Variants in THADA observed in about 807,000 individuals in gnomAD.
THADA encodes THADA armadillo repeat containing.
A neutral mutation model predicts 219.8 loss-of-function variants in THADA; 213 were observed. The ratio of observed to expected loss-of-function variants is 0.97; its 90% CI spans 0.87 to 1.09. The LOEUF (loss-of-function observed/expected upper bound fraction) is 1.09, where lower values mean the gene tolerates loss of function less well. Among genes scored for constraint, THADA ranks in the 50% least tolerant of loss-of-function variants. The pLI, the probability that THADA is intolerant of heterozygous loss-of-function variation, is 0.00. For synonymous variants in THADA, 1,018 were observed against 828.9 expected (o/e 1.23, Z -3.92); for missense variants, 2,956 against 2,311.3 (o/e 1.28, Z -5.72).
intron 25 of THADA, among the ~76,000 whole-genome samples, chr2:43,492,802 T>C (rs1308794289): frequency 2.6e-5 from 4 of 152,216 alleles, no homozygotes; most frequent in African/African-American, 2.4e-5. Context: ...AGCCATGTCC[T>C]AGAGTTTCTG....
intron 29 of THADA, among the ~76,000 whole-genome samples, chr2:43,376,824 T>C (rs950479095): frequency 6.6e-6 from 1 of 152,218 alleles, no homozygotes; most frequent in African/African-American, 2.4e-5. Flanking sequence ...TTAAGATTCA[T>C]GGGGTCTGGC....
At chr2:43,511,445 C>T (rs1391136829) in intron 22 of THADA, among the ~76,000 whole-genome samples, 1 of 152,158 alleles carries the variant, frequency 6.6e-6, no homozygotes, top group African/African-American at 2.4e-5. Context: ...CATCACCCTT[C>T]CCTGCATGAA....
intron 1 of THADA, among the ~76,000 whole-genome samples, chr2:43,594,372 G>C (rs1701918038): frequency 1.3e-5 from 2 of 152,102 alleles, no homozygotes. Context: ...CTGAAGTCAG[G>C]AGTTCAAGAC....
Position 43,467,039 on chromosome 2 carries a change from A to G in THADA, c.3836+18195T>C, listed in dbSNP as rs544809368. On this transcript the variant is annotated intron_variant, in intron 26 of 37. Coordinates refer to ENST00000405975, the MANE Select transcript of THADA (RefSeq NM_022065.5). ...CTACTAAAAATACAAAAAATTAGCC[A>G]GGCGTGGTAGCGGGCGCCTGTAGTC... Among the ~76,000 whole-genome samples the G allele has an allele frequency of 4.1e-3, 616 of 151,538 alleles. 2 individuals are homozygous for G. Among genetic ancestry groups the G allele is most frequent in the Non-Finnish European group, 7.0e-3 (472 of 67,824 alleles).
At chr2:43,291,865 G>GAATA (rs1397747796) in intron 33 of THADA, 97 bp from the exon 34 acceptor site, 1 of 1,111,858 alleles carries the variant, frequency 9.0e-7, no homozygotes, top group Non-Finnish European at 1.3e-6. Context: ...ATGCAGAGGT[G>GAATA]AATACTGAAA....
intron 10 of THADA, among the ~76,000 whole-genome samples, chr2:43,575,827 T>C (rs1284004363): frequency 6.6e-6 from 1 of 152,094 alleles, no homozygotes; most frequent in African/African-American, 2.4e-5. Context: ...TGAGCCACCA[T>C]GCCCGGCCTA....
Position 43,430,209 on chromosome 2 carries a change from T to C in THADA, c.3926+4A>G, listed in dbSNP as rs1380251174. ...CATTTTGCCCCACCCAATTCTCTTC[T>C]TACCTGTCTACTGTATTGGCTACAG... On this transcript the variant is annotated splice_donor_region_variant and intron_variant, in intron 27 of 37. Transcript: ENST00000405975. The C allele has an allele frequency of 2.7e-6, 4 of 1,495,552 alleles. No individual in the cohort carries two copies. Among genetic ancestry groups the C allele is most frequent in the Non-Finnish European group, 3.6e-6 (4 of 1,114,984 alleles). The allele number at this position is 1,495,552 out of a possible 1,614,324, so 92.6% of individuals were successfully genotyped here.
At chr2:43,502,051 T>A (rs764048074) in intron 24 of THADA, among the ~76,000 whole-genome samples, 3 of 152,166 alleles carry the variant, frequency 2.0e-5, no homozygotes, top group Non-Finnish European at 2.9e-5. Flanking sequence ...AGACGCAGTA[T>A]AAATCAAGAA....
At chr2:43,427,920 C>T (rs751384491) in intron 28 of THADA, among the ~76,000 whole-genome samples, 180 bp downstream of exon 28, 242 of 149,528 alleles carry the variant, frequency 1.6e-3, no homozygotes, top group Admixed American at 4.6e-3. Context: ...CGCGCCACTG[C>T]ACTCCAACCC....
chr2:43,518,156 TATAACACGGCCTG>T (rs1487563078), intron 22 of THADA, among the ~76,000 whole-genome samples: 4 of 152,188 alleles, frequency 2.6e-5, no homozygotes, highest in Non-Finnish European at 5.9e-5. Flanking sequence ...TCCCAGCACC[TATAACACGGCCTG>T]ATACCCTATA....
chr2:43,450,406 A>G (rs1035977206), intron 26 of THADA, among the ~76,000 whole-genome samples: 13 of 152,308 alleles, frequency 8.5e-5, no homozygotes, highest in African/African-American at 3.1e-4. Flanking sequence ...TATACTACTG[A>G]AGTTAAGGTG....
intron 26 of THADA, among the ~76,000 whole-genome samples, chr2:43,432,482 T>C (rs933767744): frequency 7.9e-5 from 12 of 151,850 alleles, no homozygotes; most frequent in African/African-American, 2.7e-4. Context: ...TTTACTATTA[T>C]GAATAAAGCT....
intron 26 of THADA, among the ~76,000 whole-genome samples, chr2:43,444,923 G>A (rs1048223941): frequency 6.6e-6 from 1 of 152,206 alleles, no homozygotes; most frequent in African/African-American, 2.4e-5. Context: ...GTTGTGTCCA[G>A]TTTTTAAAAA....
At chr2:43,287,759 C>CT (rs1357840401) in intron 34 of THADA, among the ~76,000 whole-genome samples, 1 of 152,194 alleles carries the variant, frequency 6.6e-6, no homozygotes, top group Non-Finnish European at 1.5e-5. Context: ...AGATTCTTGG[C>CT]TGGGCCCATG....
chr2:43,304,745 C>T (rs1676658249), intron 31 of THADA, among the ~76,000 whole-genome samples: 1 of 150,608 alleles, frequency 6.6e-6, no homozygotes. Flanking sequence ...AATCTCGGCT[C>T]ACCGCAACCT....
At chr2:43,460,187 A>G (rs1484008785) in intron 26 of THADA, among the ~76,000 whole-genome samples, 1 of 148,898 alleles carries the variant, frequency 6.7e-6, no homozygotes, top group Non-Finnish European at 1.5e-5. Context: ...TTTAATGAAT[A>G]CTTACTTGCC....
chr2:43,445,827 T>C (rs1308792530), intron 26 of THADA, among the ~76,000 whole-genome samples: 3 of 152,216 alleles, frequency 2.0e-5, no homozygotes, highest in Non-Finnish European at 4.4e-5. Context: ...GCACATGTTG[T>C]CATGCCTGTC....
At chr2:43,484,236 A>G (rs1686607936) in intron 26 of THADA, 2 of 164,264 alleles carry the variant, frequency 1.2e-5, no homozygotes, top group Admixed American at 1.3e-4. Context: ...CGGAAATACC[A>G]TAGTAGGTTT....
At chr2:43,556,752 C>A (rs189443625) in intron 16 of THADA, among the ~76,000 whole-genome samples, 197 bp from the exon 17 acceptor site, 2 of 151,986 alleles carry the variant, frequency 1.3e-5, no homozygotes, top group East Asian at 3.9e-4. Context: ...TAGTGAGACC[C>A]CATCTCAAAA....
Sources: allele counts gnomAD v4.1 joint callset (sites outside exome capture counted in the v4.1 genomes callset), GRCh38; gene constraint gnomAD v4.1.1; transcripts MANE v1.5; gene names NCBI Gene and HGNC (gene_info 2026-07-23, HGNC 2026-07-21).